DNAH7: variants seen among roughly 807,000 people sequenced by gnomAD.
The protein encoded by DNAH7 is axonemal beta dynein heavy chain 7.
A neutral mutation model predicts 444.6 loss-of-function variants in DNAH7; 397 were observed. The ratio of observed to expected loss-of-function variants is 0.89; its 90% CI spans 0.82 to 0.97. The LOEUF is 0.97. Ranked by LOEUF, DNAH7 falls within the 50% of genes least tolerant of loss-of-function variation. DNAH7 has a pLI of 0.00. For synonymous variants in DNAH7, 1,636 were observed against 1,624.4 expected, an observed-to-expected ratio of 1.01 and a Z score of -0.17; for missense variants, 4,902 against 4,800.8, an observed-to-expected ratio of 1.02 and a Z score of -0.62.
At chr2:195,980,061 CAAAAAAAAAA>C (rs59664135) in intron 15 of DNAH7, among the ~76,000 whole-genome samples, 2 of 75,062 alleles carry the variant, frequency 2.7e-5, no homozygotes, top group South Asian at 6.5e-4. Flanking sequence ...CAAACTAATA[CAAAAAAAAAA>C]AAAAAAAAAA....
rs142218900 is a variant in DNAH7 at position 195,752,615 on chromosome 2, A to T, written c.11764+1722T>A. On this transcript the variant is annotated intron_variant, in intron 63 of 64. Coordinates refer to ENST00000312428, the MANE Select transcript of DNAH7 (RefSeq NM_018897.3). ...ATCAGAAAAGAGAAATAGTCCCAGG[A>T]CTCAGTCCTTGGAAACTCTAATATT... 9.9e-3 allele frequency among the ~76,000 whole-genome samples: 1,502 copies of T among 152,224 alleles called. 34 individuals carry two copies. Among genetic ancestry groups the T allele is most frequent in the African/African-American group, 0.034 (1,401 of 41,542 alleles).
intron 63 of DNAH7, chr2:195,741,124 A>G (rs1398862840): frequency 1.5e-5 from 3 of 199,448 alleles, no homozygotes; most frequent in East Asian, 1.1e-4. Flanking sequence ...AAACAGGTCT[A>G]TGGGAAGTTC....
intron 48 of DNAH7, among the ~76,000 whole-genome samples, chr2:195,827,201 A>T (rs1269838251): frequency 1.3e-5 from 2 of 152,232 alleles, no homozygotes; most frequent in Admixed American, 1.3e-4. Flanking sequence ...CACATGTGCT[A>T]ATTTAAAAAC....
chr2:195,846,876 CCT>C (rs1699024396), intron 46 of DNAH7, among the ~76,000 whole-genome samples: 1 of 151,826 alleles, frequency 6.6e-6, no homozygotes. Context: ...CTTTCTTGCT[CCT>C]CAGCTTGCAG....
At chr2:195,790,376 A>C (rs1298762721) in intron 57 of DNAH7, among the ~76,000 whole-genome samples, 1 of 152,104 alleles carries the variant, frequency 6.6e-6, no homozygotes, top group African/African-American at 2.4e-5. Context: ...AAGCAATCCT[A>C]AGCAAAAAGA....
At chr2:195,810,442 C>T (rs1461622876) in intron 51 of DNAH7, among the ~76,000 whole-genome samples, 2 of 152,164 alleles carry the variant, frequency 1.3e-5, no homozygotes, top group Non-Finnish European at 2.9e-5. Context: ...GGGTCTCACT[C>T]TGTCACCCAG....
Position 195,957,342 on chromosome 2 carries a change from A to C in DNAH7, c.2997T>G (p.Ile999Met), listed in dbSNP as rs753004926. ...YLEPIFSSPD[I>M]MSQMPEEGRR... ...TGCCTTCCTCAGGCATTTGAGACAT[A>C]ATGTCTGGAGAGCTGAAAATGGGCT... Residue 999 changes from isoleucine (I) to methionine (M), a missense_variant, in exon 19 of 65, where the codon ATT becomes ATG. Transcript: ENST00000312428. The C allele has an allele frequency of 2.5e-6, 4 of 1,608,064 alleles. No homozygotes were observed. Among genetic ancestry groups the C allele is most frequent in the South Asian group, 2.2e-5 (2 of 90,278 alleles).
intron 9 of DNAH7, among the ~76,000 whole-genome samples, chr2:196,017,823 T>C (rs2125743834): frequency 6.6e-6 from 1 of 152,110 alleles, no homozygotes; most frequent in East Asian, 1.9e-4. Flanking sequence ...AAAACTAAAA[T>C]GTTAAAAAAA....
intron 19 of DNAH7, 30 bp downstream of exon 19, chr2:195,957,231 A>G (rs756160076): frequency 9.0e-6 from 13 of 1,440,092 alleles, no homozygotes; most frequent in South Asian, 8.0e-5. Flanking sequence ...TCAACCAAAT[A>G]ATGACATTTT....
chr2:195,760,294 T>C (rs1212771131), intron 61 of DNAH7, among the ~76,000 whole-genome samples: 1 of 151,380 alleles, frequency 6.6e-6, no homozygotes, highest in Non-Finnish European at 1.5e-5. Flanking sequence ...TTTCAGGCTG[T>C]AGGCTCTGAC....
chr2:196,002,000 TG>T, intron 10 of DNAH7, 142 bp from the exon 11 acceptor site: 1 of 566,592 alleles, frequency 1.8e-6, no homozygotes. Flanking sequence ...CTCTCCGAAA[TG>T]TAAGTGTTAA....
rs571574927 is a variant in DNAH7 at position 195,856,262 on chromosome 2, A to G, written c.8415-271T>C. On this transcript the variant is annotated intron_variant, in intron 44 of 64. Transcript: ENST00000312428. ...GATAACTTTCCAAAAGGAGAGTAGG[A>G]TAGTCATGTAGAATATTACAATGTT... Among the ~76,000 whole-genome samples the G allele has an allele frequency of 2.6e-5, 4 of 152,322 alleles. No individual in the cohort carries two copies. In the East Asian group the frequency reaches 7.7e-4, roughly 29 times the overall value.
chr2:195,887,825 C>CT (rs905574793), intron 33 of DNAH7, among the ~76,000 whole-genome samples: 6 of 151,678 alleles, frequency 4.0e-5, no homozygotes, highest in African/African-American at 7.3e-5. Context: ...CACCATCCCC[C>CT]TCCCTCCTCT....
intron 64 of DNAH7, among the ~76,000 whole-genome samples, chr2:195,740,164 A>C (rs1307390072): frequency 2.0e-5 from 3 of 152,074 alleles, no homozygotes; most frequent in Non-Finnish European, 4.4e-5. Context: ...TTGTATTTTC[A>C]GTAGAGACTG....
At chr2:196,009,601 C>T (rs1043651443) in intron 10 of DNAH7, among the ~76,000 whole-genome samples, 1 of 152,138 alleles carries the variant, frequency 6.6e-6, no homozygotes, top group African/African-American at 2.4e-5. Context: ...TTACATTGGT[C>T]TGGGCAAAGA....
intron 19 of DNAH7, among the ~76,000 whole-genome samples, chr2:195,947,245 C>T (rs149765583): frequency 0.019 from 2,946 of 151,652 alleles, 94 homozygotes; most frequent in African/African-American, 0.067. Flanking sequence ...AATCCACCGC[C>T]TTGGCCTCCC....
At chr2:196,019,147 T>C (rs772399920) in intron 9 of DNAH7, 23 bp downstream of exon 9, 1 of 1,404,710 alleles carries the variant, frequency 7.1e-7, no homozygotes, top group Non-Finnish European at 9.4e-7. Context: ...TTTAAAAACC[T>C]CTATAAGGCC....
chr2:195,790,084 C>A (rs1444106439), intron 57 of DNAH7, among the ~76,000 whole-genome samples: 1 of 151,978 alleles, frequency 6.6e-6, no homozygotes, highest in Admixed American at 6.6e-5. Context: ...ATAGCTGCCT[C>A]CCACCCCACA....
At chr2:195,836,616 A>G (rs1698387526) in intron 47 of DNAH7, among the ~76,000 whole-genome samples, 1 of 152,190 alleles carries the variant, frequency 6.6e-6, no homozygotes, top group African/African-American at 2.4e-5. Flanking sequence ...GTAAGAAAAG[A>G]CATCAAAAGA....
Sources: allele counts gnomAD v4.1 joint callset (sites outside exome capture counted in the v4.1 genomes callset), GRCh38; gene constraint gnomAD v4.1.1; transcripts MANE v1.5; gene names NCBI Gene and HGNC (gene_info 2026-07-23, HGNC 2026-07-21).